The following DNAH7 variants were observed in gnomAD, a reference collection of about 807,000 sequenced individuals.
DNAH7 encodes axonemal beta dynein heavy chain 7.
A neutral mutation model predicts 444.6 loss-of-function variants in DNAH7; 397 were observed. That is an observed-to-expected ratio of 0.89 (90% CI 0.82 to 0.97). DNAH7 has a LOEUF of 0.97. Ranked by LOEUF, DNAH7 falls within the 50% of genes least tolerant of loss-of-function variation. The pLI, the probability that DNAH7 is intolerant of heterozygous loss-of-function variation, is 0.00. For missense variants in DNAH7, 4,902 were observed against 4,800.8 expected, an observed-to-expected ratio of 1.02 and a Z score of -0.62; for synonymous variants, 1,636 against 1,624.4, an observed-to-expected ratio of 1.01 and a Z score of -0.17.
In DNAH7 at chr2:195,858,684, A is replaced by T. The variant is rs1437308953; in HGVS notation, c.7857T>A (p.Ala2619=). ...TCATCATTTCATCAACCTCTTTGCT[A>T]GCAACTTTTAATTGAGGATGTAGTG... ...LEALHPQLKV[A]SKEVDEMMIM... The change falls in exon 43 of 65, where the codon GCT becomes GCA. Residue 2619 remains alanine (A), a synonymous_variant. Transcript: ENST00000312428. 1.2e-6 allele frequency: 2 copies of T among 1,614,062 alleles called. No individual in the cohort carries two copies. Among genetic ancestry groups the T allele is most frequent in the Admixed American group, 1.7e-5 (1 of 59,996 alleles).
At chr2:195,902,056 T>C (rs1042210091) in intron 27 of DNAH7, 19 of 152,302 alleles carry the variant, frequency 1.2e-4, no homozygotes, top group Non-Finnish European at 2.2e-4. Flanking sequence ...AAAGAAGTTA[T>C]TCTAGTGAAT....
At chr2:196,056,035 C>T (rs1697779948) in intron 2 of DNAH7, among the ~76,000 whole-genome samples, 1 of 152,198 alleles carries the variant, frequency 6.6e-6, no homozygotes. Flanking sequence ...GACAAGCAGC[C>T]ACACATATGT....
Position 195,760,253 on chromosome 2 carries a change from G to A in DNAH7, c.11434-3968C>T, listed in dbSNP as rs191206312. Reference sequence around the variant, plus strand: ...TAGTTTGGGTGCCAGCTCAGCAGCAGTAGAACAGAGCACCAGGTGAATTCT... The same window carrying A: ...TAGTTTGGGTGCCAGCTCAGCAGCAATAGAACAGAGCACCAGGTGAATTCT... On this transcript the variant is annotated intron_variant, in intron 61 of 64. Transcript: ENST00000312428. 2.7e-3 allele frequency among the ~76,000 whole-genome samples: 414 copies of A among 152,252 alleles called. 1 individual carries two copies. The highest frequency in any genetic ancestry group is 5.0e-3 in the Non-Finnish European group (340 of 68,020).
chr2:195,834,427 C>T lies in DNAH7; in HGVS notation c.8946-67G>A, dbSNP rs925682869. ...TGTTTCTACACTACTTAATCATGTT[C>T]ACATCACAGGTCACTTTTTAAAAGT... is the stretch of plus-strand genomic sequence containing the variant. On this transcript the variant is annotated intron_variant, in intron 47 of 64. Coordinates refer to ENST00000312428, the MANE Select transcript of DNAH7 (RefSeq NM_018897.3). The T allele has an allele frequency of 4.1e-6, 6 of 1,457,866 alleles. No individual in the cohort carries two copies. The East Asian group carries it at 9.2e-5, about 22-fold the overall frequency. The allele number at this position is 1,457,866 out of a possible 1,614,324, so 90.3% of individuals were successfully genotyped here. A position where few individuals can be genotyped will look rare whatever the true frequency, so the allele number is the denominator to read the frequency against.
chr2:195,833,246 A>C (rs2124952142), intron 48 of DNAH7, among the ~76,000 whole-genome samples: 1 of 152,346 alleles, frequency 6.6e-6, no homozygotes, highest in African/African-American at 2.4e-5. Context: ...AATTAAATGA[A>C]TGAAATAACA....
intron 47 of DNAH7, among the ~76,000 whole-genome samples, chr2:195,837,949 T>C (rs1211701209): frequency 6.6e-6 from 1 of 151,958 alleles, no homozygotes; most frequent in Non-Finnish European, 1.5e-5. Flanking sequence ...ATTAAAAAAG[T>C]ATAAAAAAGG....
rs143858906 is a variant in DNAH7, at chr2:196,065,169, G to T, written c.15+3528C>A. On this transcript the variant is annotated intron_variant, in intron 1 of 64. Coordinates refer to ENST00000312428, the MANE Select transcript of DNAH7 (RefSeq NM_018897.3). The stretch of plus-strand genomic sequence containing the variant: ...CCTTTTTTCTACCATGTGAAATTTA[G>T]GATCTACACTGCATGAAATTTTTTA... 3.5e-3 allele frequency among the ~76,000 whole-genome samples: 315 copies of T among 89,812 alleles called. 1 individual carries two copies. The highest frequency in any genetic ancestry group is 0.012 in the African/African-American group (295 of 23,628). The allele number at this position is 89,812 out of a possible 152,430, so 58.9% of individuals were successfully genotyped here.
chr2:195,849,139 AC>A (rs138498232), intron 46 of DNAH7, among the ~76,000 whole-genome samples: 95 of 152,272 alleles, frequency 6.2e-4, no homozygotes, highest in African/African-American at 2.2e-3. Context: ...GAGTTATGTT[AC>A]TGTCACTATT....
chr2:195,759,577 T>G (rs1050414710), intron 61 of DNAH7, among the ~76,000 whole-genome samples: 1 of 152,050 alleles, frequency 6.6e-6, no homozygotes, highest in Non-Finnish European at 1.5e-5. Flanking sequence ...CAGTGGGGTA[T>G]GCACCAAGAG....
chr2:195,785,035 C>T (rs111245691), intron 58 of DNAH7, among the ~76,000 whole-genome samples: 253 of 152,112 alleles, frequency 1.7e-3, no homozygotes, highest in African/African-American at 6.0e-3. Flanking sequence ...CCTCAGCCTC[C>T]CGAGTAGCTG....
intron 61 of DNAH7, among the ~76,000 whole-genome samples, chr2:195,768,189 C>A (rs1449918691): frequency 2.0e-5 from 3 of 146,912 alleles, no homozygotes; most frequent in African/African-American, 7.4e-5. Flanking sequence ...ATATATATAT[C>A]TTTTATATAT....
intron 42 of DNAH7, among the ~76,000 whole-genome samples, chr2:195,859,955 T>C (rs1359203242): frequency 1.3e-5 from 2 of 152,184 alleles, no homozygotes; most frequent in African/African-American, 4.8e-5. Flanking sequence ...ACTACCTGGC[T>C]GTCGTGATCT....
intron 32 of DNAH7, 23 bp downstream of exon 32, chr2:195,888,776 A>C: frequency 6.3e-7 from 1 of 1,594,706 alleles, no homozygotes; most frequent in South Asian, 1.1e-5. Context: ...ATTTATAAAA[A>C]GATGTCAAAA....
intron 48 of DNAH7, among the ~76,000 whole-genome samples, chr2:195,825,422 C>T (rs7558133): frequency 0.64 from 96,678 of 151,974 alleles, 31,617 homozygotes; most frequent in Non-Finnish European, 0.72. Flanking sequence ...GACTTAACAG[C>T]ATAAATGTTT....
chr2:196,034,040 T>C (rs777069805), intron 5 of DNAH7, among the ~76,000 whole-genome samples: 10 of 152,068 alleles, frequency 6.6e-5, no homozygotes, highest in Non-Finnish European at 1.5e-4. Flanking sequence ...TTTTCAACAA[T>C]ATACCAAAGG....
chr2:195,864,202 G>T lies in DNAH7; in HGVS notation c.7453C>A (p.Arg2485Ser). 6.2e-7 allele frequency: 1 copy of T among 1,614,148 alleles called. No individual in the cohort carries two copies. Among genetic ancestry groups the T allele is most frequent in the Non-Finnish European group, 8.5e-7 (1 of 1,180,024 alleles). Residue 2485 changes from arginine (R) to serine (S), a missense_variant, in exon 41 of 65, where the codon CGT (arginine) becomes AGT (serine). Physicochemically the swap from Arg to Ser is moderately radical, Grantham distance 110. Coordinates refer to ENST00000312428, the MANE Select transcript of DNAH7 (RefSeq NM_018897.3). ...ACAAGAGCAGGGAACTTTCTAAGAC[G>T]ATTCCGAAATGCATCTCCAATGGGA... ...MSPIGDAFRN[R>S]LRKFPALVNC...
intron 12 of DNAH7, among the ~76,000 whole-genome samples, chr2:195,990,922 CAT>C (rs1315336326): frequency 1.7e-4 from 24 of 138,296 alleles, no homozygotes; most frequent in African/African-American, 3.5e-4. Context: ...AATATATATA[CAT>C]ATATATACTT....
intron 17 of DNAH7, among the ~76,000 whole-genome samples, chr2:195,969,041 T>C (rs988102643): frequency 3.9e-5 from 6 of 152,268 alleles, no homozygotes; most frequent in African/African-American, 1.4e-4. Flanking sequence ...AGACTGTTTT[T>C]CCTGTTTTCA....
intron 8 of DNAH7, among the ~76,000 whole-genome samples, chr2:196,022,228 G>C (rs1695427699): frequency 6.6e-6 from 1 of 152,176 alleles, no homozygotes; most frequent in South Asian, 2.1e-4. Flanking sequence ...TTTGCTGGTG[G>C]AAGGTCTTAA....
Sources: allele counts gnomAD v4.1 joint callset (sites outside exome capture counted in the v4.1 genomes callset), GRCh38; gene constraint gnomAD v4.1.1; transcripts MANE v1.5; gene names NCBI Gene and HGNC (gene_info 2026-07-23, HGNC 2026-07-21).